The following ASB8 variants were observed in gnomAD, a reference collection of about 807,000 sequenced individuals.
ASB8 encodes ankyrin repeat and SOCS box protein 8.
Under a neutral mutation model 22.9 loss-of-function variants are expected in ASB8, and 15 were observed. That is an observed-to-expected ratio of 0.66 (90% CI 0.44 to 1.01). ASB8 has a LOEUF of 1.01. Ranked by LOEUF, ASB8 falls within the 50% of genes least tolerant of loss-of-function variation. The probability of loss-of-function intolerance (pLI) is 0.00; values close to 1 mark genes in which losing one functional copy is unlikely to be tolerated. For missense variants in ASB8, 294 were observed against 356.9 expected, an observed-to-expected ratio of 0.82 and a Z score of 1.42; for synonymous variants, 124 against 140.8, an observed-to-expected ratio of 0.88 and a Z score of 0.84.
In ASB8 at chr12:48,149,847, TTCTTA is replaced by T; in HGVS notation, c.381_385del (p.Phe127LeufsTer4). 1 of 1,614,210 alleles carries T rather than the reference TTCTTA, an allele frequency of 6.2e-7. No homozygotes were observed. The highest frequency in any genetic ancestry group is 1.6e-4 in the Middle Eastern group (1 of 6,062). On this transcript the variant is annotated frameshift_variant, in exon 4 of 4. Coordinates refer to ENST00000317697, the MANE Select transcript of ASB8 (RefSeq NM_024095.5). LOFTEE classifies it high-confidence loss of function. The stretch of plus-strand genomic sequence containing the variant: ...GAGAGCCCGCACACACTCAGCATTG[TTCTTA>T]AAGGCTGCCCAGTGAAGTGGGGTAT...
At chr12:48,153,147 C>T (rs1275397458) in intron 2 of ASB8, 1 of 511,578 alleles carries the variant, frequency 2.0e-6, no homozygotes, top group Admixed American at 3.2e-5. Context: ...TTATTGAGAA[C>T]ATATTCCATG....
At position 48,149,700 on chromosome 12, in the gene ASB8, C is replaced by CT; in HGVS notation, c.532dup (p.Arg178LysfsTer32). 6.2e-7 allele frequency: 1 copy of CT among 1,614,140 alleles called. No individual in the cohort carries two copies. Among genetic ancestry groups the CT allele is most frequent in the Non-Finnish European group, 8.5e-7 (1 of 1,179,986 alleles). ...TGTCTGGCCTATTAGGTTGATGACTCTGACCTCTGCGCCATAATCCAGAAG... is the reference window on the plus strand; with the variant it reads ...TGTCTGGCCTATTAGGTTGATGACTCTTGACCTCTGCGCCATAATCCAGAAG... On this transcript the variant is annotated frameshift_variant, in exon 4 of 4. Transcript: ENST00000317697. LOFTEE classifies it high-confidence loss of function.
At chr12:48,157,130 G>A (rs1290861903) in intron 1 of ASB8, 1 of 152,246 alleles carries the variant, frequency 6.6e-6, no homozygotes, top group Non-Finnish European at 1.5e-5. Flanking sequence ...ACCTGCTGCG[G>A]GAGGGCCCGC....
rs1232155460 is a variant in ASB8, at chr12:48,149,368, A to T, written c.865T>A (p.Ter289LysextTer37). 3.7e-6 allele frequency: 6 copies of T among 1,612,842 alleles called. No individual in the cohort carries two copies. The highest frequency in any genetic ancestry group is 1.1e-5 in the South Asian group (1 of 91,044). Residue 289 changes from the stop codon to lysine, a stop_lost, in exon 4 of 4, where the codon TAG (stop) becomes AAG (lysine). Coordinates refer to ENST00000317697, the MANE Select transcript of ASB8 (RefSeq NM_024095.5). ...GATGGTGCAAACATCTTCTCCGGCT[A>T]TTCTAAAAGTAACAGGTATTCCTTC... is the stretch of plus-strand genomic sequence containing the variant. ...SLKEYLLLLE[*>K]
chr12:48,151,813 A>G, intron 2 of ASB8: 1 of 402,144 alleles, frequency 2.5e-6, no homozygotes, highest in Non-Finnish European at 4.7e-6. Context: ...GCCTCTTAGT[A>G]TCAGTATTCT....
At position 48,153,427 on chromosome 12, in the gene ASB8, G is replaced by A. The variant is rs771662561; in HGVS notation, c.70C>T (p.Arg24Ter). ...AAGGAACGGATGGCAGCAATTGTTC[G>A]GATTAAGCGCTCGGAGAGAGAGTAT... ...SKYSLSERLI[R>*]TIAAIRSFPH... Residue 24 changes from arginine to a stop codon, truncating the protein, a stop_gained, in exon 2 of 4, where the codon CGA becomes TGA. Transcript: ENST00000317697. LOFTEE classifies it high-confidence loss of function. 21 of 1,613,582 alleles carry A rather than the reference G, an allele frequency of 1.3e-5. No individual in the cohort carries two copies. Among genetic ancestry groups the A allele is most frequent in the Non-Finnish European group, 1.8e-5 (21 of 1,179,632 alleles).
Position 48,151,214 on chromosome 12 carries a change from TC to T in ASB8, c.220del (p.Glu74LysfsTer6). 1.2e-6 allele frequency: 2 copies of T among 1,612,478 alleles called. No homozygotes were observed. The highest frequency in any genetic ancestry group is 1.7e-6 in the Non-Finnish European group (2 of 1,178,494). On this transcript the variant is annotated frameshift_variant, in exon 3 of 4. Transcript: ENST00000317697. LOFTEE classifies it high-confidence loss of function. The stretch of plus-strand genomic sequence containing the variant: ...TAAAAACATTACCTCGGCTCCTTTT[TC>T]CAGAAGTAACTCCACACAGTCAGCA... The part of the protein sequence containing the change: ...SDADCVELLL[E>X]KGAEVNALDG...
intron 1 of ASB8, among the ~76,000 whole-genome samples, chr12:48,155,077 C>T (rs1345837615): frequency 1.3e-5 from 2 of 152,168 alleles, no homozygotes; most frequent in Non-Finnish European, 2.9e-5. Context: ...ATGCAATATA[C>T]TTCAATTCAA....
intron 1 of ASB8, among the ~76,000 whole-genome samples, chr12:48,155,742 A>AAT (rs1555211490): frequency 0.081 from 9,285 of 114,656 alleles, 782 homozygotes; most frequent in East Asian, 0.33. Flanking sequence ...AAAAAAAAAA[A>AAT]ATATATATAT....
In ASB8 at chr12:48,153,544, T is replaced by A. The variant is rs1295250809; in HGVS notation, c.-33-15A>T. ...CTCCAAACTGCCTGAAACAAAGAAG[T>A]TTTCGGCATATACAATATCACTGAG... On this transcript the variant is annotated splice_polypyrimidine_tract_variant and intron_variant, in intron 1 of 3. Coordinates refer to ENST00000317697, the MANE Select transcript of ASB8 (RefSeq NM_024095.5). The A allele has an allele frequency of 6.2e-7, 1 of 1,602,800 alleles. No homozygotes were observed. Among genetic ancestry groups the A allele is most frequent in the Non-Finnish European group, 8.5e-7 (1 of 1,171,918 alleles).
At chr12:48,150,695 C>CA (rs113485834) in intron 3 of ASB8, among the ~76,000 whole-genome samples, 3,001 of 149,968 alleles carry the variant, frequency 0.02, 77 homozygotes, top group African/African-American at 0.049. Flanking sequence ...AAGACAAAAA[C>CA]AAAAAAAAAC....
In ASB8 at chr12:48,153,502, C is replaced by T. The variant is rs1450481247; in HGVS notation, c.-6G>A. The stretch of plus-strand genomic sequence containing the variant: ...TACCACATACTGGAACTCATCAAGG[C>T]TCAAGGTGTTCACATGCTCCAAACT... On this transcript the variant is annotated 5_prime_UTR_variant, in exon 2 of 4. Transcript: ENST00000317697. 1.9e-6 allele frequency: 3 copies of T among 1,613,658 alleles called. No individual in the cohort carries two copies. The highest frequency in any genetic ancestry group is 1.1e-5 in the South Asian group (1 of 91,054).
At chr12:48,153,740 G>A (rs746741245) in intron 1 of ASB8, 3 of 312,226 alleles carry the variant, frequency 9.6e-6, no homozygotes, top group Admixed American at 8.9e-5. Flanking sequence ...AGTCTAGCAC[G>A]AGATTTCCCC....
chr12:48,149,989 G>C lies in ASB8; in HGVS notation c.244C>G (p.Leu82Val). The stretch of plus-strand genomic sequence containing the variant: ...AGGGCTGTTCGGTTATACCCATCCA[G>C]GGCATTCACCTGTAAAAAGGGAGGA... ...LLEKGAEVNALDGYNRTALHY... is the reference protein window; with the variant it reads ...LLEKGAEVNAVDGYNRTALHY... Residue 82 changes from leucine (L) to valine (V), a missense_variant, in exon 4 of 4, where the codon CTG becomes GTG. Physicochemically the swap from Leu to Val is conservative, Grantham distance 32. Transcript: ENST00000317697. The C allele has an allele frequency of 6.2e-7, 1 of 1,613,024 alleles. No homozygotes were observed. The highest frequency in any genetic ancestry group is 1.1e-5 in the South Asian group (1 of 91,038).
At position 48,151,756 on chromosome 12, in the gene ASB8, C is replaced by T. The variant is rs1052972428; in HGVS notation, c.130-451G>A. 64 of 667,150 alleles carry T rather than the reference C, an allele frequency of 9.6e-5. 1 individual carries two copies. In the Admixed American group the frequency reaches 1.6e-3, roughly 17 times the overall value. The allele number at this position is 667,150 out of a possible 1,614,324, so 41.3% of individuals were successfully genotyped here. On this transcript the variant is annotated intron_variant, in intron 2 of 3. Coordinates refer to ENST00000317697, the MANE Select transcript of ASB8 (RefSeq NM_024095.5). The stretch of plus-strand genomic sequence containing the variant: ...AACAAATGACCATCATTAATAGTGG[C>T]ATCATCTTAACACGGTTTTTCCTTT...
At chr12:48,150,132 C>T (rs751264943) in intron 3 of ASB8, 134 bp from the exon 4 acceptor site, 65 of 923,064 alleles carry the variant, frequency 7.0e-5, no homozygotes, top group Non-Finnish European at 1.0e-4. Flanking sequence ...AAGCAACTCC[C>T]AGGGAGTCCT....
Position 48,149,584 on chromosome 12 carries a change from G to A in ASB8, c.649C>T (p.His217Tyr), listed in dbSNP as rs946811887. 2 of 1,614,078 alleles carry A rather than the reference G, an allele frequency of 1.2e-6. No individual in the cohort carries two copies. The highest frequency in any genetic ancestry group is 1.7e-6 in the Non-Finnish European group (2 of 1,179,958). Residue 217 changes from histidine to tyrosine, a missense_variant, in exon 4 of 4, where the codon CAC becomes TAC. Transcript: ENST00000317697. ...CFELLHRAVGHFELRKNGTMP... is the reference protein window; with the variant it reads ...CFELLHRAVGYFELRKNGTMP... ...GTGCCATTTTTCCTCAATTCAAAGTGTCCAACAGCTCTGTGGAGGAGCTCA... is the reference window on the plus strand; with the variant it reads ...GTGCCATTTTTCCTCAATTCAAAGTATCCAACAGCTCTGTGGAGGAGCTCA...
Position 48,149,921 on chromosome 12 carries a change from T to A in ASB8, c.312A>T (p.Leu104=). Reference sequence around the variant, plus strand: ...CATTGGGGTTTGCACCATACTCCAATAGGACCTCCACACAAGCCTCATCTT... The same window carrying A: ...CATTGGGGTTTGCACCATACTCCAAAAGGACCTCCACACAAGCCTCATCTT... ...AEKDEACVEV[L]LEYGANPNAL... is the part of the protein sequence containing the mutation. The change falls in exon 4 of 4, where the codon CTA becomes CTT. Residue 104 remains leucine, a synonymous_variant. Transcript: ENST00000317697. 6.2e-7 allele frequency: 1 copy of A among 1,614,124 alleles called. No individual in the cohort carries two copies. The highest frequency in any genetic ancestry group is 8.5e-7 in the Non-Finnish European group (1 of 1,179,954).
At position 48,149,975 on chromosome 12, in the gene ASB8, G is replaced by A; in HGVS notation, c.258C>T (p.Asn86=). The change falls in exon 4 of 4, where the codon AAC becomes AAT. Residue 86 remains asparagine (N), a synonymous_variant. Transcript: ENST00000317697. ...GAEVNALDGY[N]RTALHYAAEK... is the part of the protein sequence containing the mutation. ...CTGCTGCATAGTGGAGGGCTGTTCG[G>A]TTATACCCATCCAGGGCATTCACCT... 6.2e-7 allele frequency: 1 copy of A among 1,613,768 alleles called. No individual in the cohort carries two copies. The highest frequency in any genetic ancestry group is 8.5e-7 in the Non-Finnish European group (1 of 1,179,698).
Sources: gnomAD v4.1 joint callset for allele counts (sites outside exome capture counted in the v4.1 genomes callset) on GRCh38, gnomAD v4.1.1 for gene constraint, MANE v1.5 for transcripts, NCBI Gene and HGNC (gene_info 2026-07-23, HGNC 2026-07-21) for gene names.